PAPOLG: variants seen among roughly 807,000 people sequenced by gnomAD.
The protein encoded by PAPOLG is PAP-gamma.
A neutral mutation model predicts 99.0 loss-of-function variants in PAPOLG; 40 were observed. The observed-to-expected ratio is 0.40, with a 90% CI of 0.31 to 0.53. The LOEUF is 0.53. Among genes scored for constraint, PAPOLG ranks in the 20% least tolerant of loss-of-function variants. The probability of loss-of-function intolerance (pLI) is 0.41; values close to 1 mark genes in which losing one functional copy is unlikely to be tolerated. For missense variants in PAPOLG, 675 were observed against 884.1 expected (o/e 0.76, Z 3.00); for synonymous variants, 310 against 299.3 (o/e 1.04, Z -0.37).
At chr2:60,773,913 A>C (rs148647612) in intron 7 of PAPOLG, among the ~76,000 whole-genome samples, 1 of 152,310 alleles carries the variant, frequency 6.6e-6, no homozygotes, top group Non-Finnish European at 1.5e-5. Context: ...CTGAATAACT[A>C]TAGTTTATCT....
chr2:60,782,512 G>C, intron 11 of PAPOLG, 174 bp from the exon 12 acceptor site: 5 of 824,780 alleles, frequency 6.1e-6, no homozygotes, highest in African/African-American at 1.9e-5. Flanking sequence ...AGCCGAGATA[G>C]ATCCACCACA....
chr2:60,775,961 C>T (rs1671004076), intron 8 of PAPOLG, among the ~76,000 whole-genome samples: 1 of 152,110 alleles, frequency 6.6e-6, no homozygotes. Context: ...GACGGGGTTT[C>T]ACCATGTTTG....
At chr2:60,793,788 G>A in intron 18 of PAPOLG, 73 bp downstream of exon 18, 1 of 1,519,856 alleles carries the variant, frequency 6.6e-7, no homozygotes, top group Admixed American at 2.0e-5. Context: ...GCACACGCCT[G>A]TAGTCCTAGC....
rs551895478 is a variant in PAPOLG at position 60,798,959 on chromosome 2, T to G, written c.*1799T>G. ...ATAAGAATAAAATCACATAACCAAG[T>G]TGAAGCTTCCTTGGCAAAGCTGTTG... is the stretch of plus-strand genomic sequence containing the variant. On this transcript the variant is annotated 3_prime_UTR_variant, in exon 22 of 22. Transcript: ENST00000238714. 2.0e-5 allele frequency: 3 copies of G among 152,480 alleles called. No homozygotes were observed. The highest frequency in any genetic ancestry group is 7.2e-5 in the African/African-American group (3 of 41,586). 9.4% of individuals were successfully genotyped at this position (152,480 alleles called of 1,614,324 possible).
At chr2:60,768,729 A>G in intron 4 of PAPOLG, 52 bp from the exon 5 acceptor site, 1 of 1,435,054 alleles carries the variant, frequency 7.0e-7, no homozygotes, top group African/African-American at 1.5e-5. Flanking sequence ...GTACTTTAAC[A>G]AAGAATATAA....
chr2:60,787,217 A>G (rs1351978874), intron 14 of PAPOLG, 151 bp downstream of exon 14: 2 of 794,410 alleles, frequency 2.5e-6, no homozygotes, highest in East Asian at 5.5e-5. Flanking sequence ...GGCATTAAAA[A>G]TAAGTACATA....
chr2:60,772,604 C>G (rs920367674), intron 7 of PAPOLG, among the ~76,000 whole-genome samples: 2 of 151,916 alleles, frequency 1.3e-5, no homozygotes, highest in African/African-American at 4.8e-5. Context: ...AAAAACTAGC[C>G]AAGTGTGGTG....
Position 60,757,678 on chromosome 2 carries a change from G to T in PAPOLG, c.17+1183G>T, listed in dbSNP as rs190607092. On this transcript the variant is annotated intron_variant, in intron 1 of 21. Transcript: ENST00000238714. Reference sequence around the variant, plus strand: ...AACACCCTAATTTAATTCTTTTCCTGTTAGTGACTATTTTATTTCTAAGTT... The same window carrying T: ...AACACCCTAATTTAATTCTTTTCCTTTTAGTGACTATTTTATTTCTAAGTT... Among the ~76,000 whole-genome samples, 14 of 152,228 alleles carry T rather than the reference G, an allele frequency of 9.2e-5. No individual in the cohort carries two copies. The East Asian group carries it at 2.5e-3, about 27-fold the overall frequency.
intron 7 of PAPOLG, among the ~76,000 whole-genome samples, chr2:60,772,644 A>G (rs924924687): frequency 6.6e-6 from 1 of 152,074 alleles, no homozygotes; most frequent in South Asian, 2.1e-4. Flanking sequence ...GCTACTCGGG[A>G]GGCTGAGGCA....
At position 60,797,256 on chromosome 2, in the gene PAPOLG, T is replaced by A; in HGVS notation, c.*96T>A. On this transcript the variant is annotated 3_prime_UTR_variant, in exon 22 of 22. Transcript: ENST00000238714. ...ATAGAAGTGGCTGTCATACGTGAAA[T>A]AAGGTGAAAGTGACAGCCTTCAGTC... 1 of 1,478,792 alleles carries A rather than the reference T, an allele frequency of 6.8e-7. No homozygotes were observed. The highest frequency in any genetic ancestry group is 2.3e-5 in the East Asian group (1 of 42,980). The allele number at this position is 1,478,792 out of a possible 1,614,324, so 91.6% of individuals were successfully genotyped here. A position where few individuals can be genotyped will look rare whatever the true frequency, so the allele number is the denominator to read the frequency against.
intron 8 of PAPOLG, among the ~76,000 whole-genome samples, chr2:60,777,395 GT>G (rs1671052316): frequency 6.6e-6 from 1 of 152,192 alleles, no homozygotes; most frequent in Non-Finnish European, 1.5e-5. Flanking sequence ...GGCAGAGGTT[GT>G]GGTGAGCTGA....
intron 8 of PAPOLG, among the ~76,000 whole-genome samples, chr2:60,776,238 CTT>C: frequency 6.7e-6 from 1 of 149,240 alleles, no homozygotes; most frequent in South Asian, 2.1e-4. Context: ...AGAAAGGAAT[CTT>C]TTTTTTTTCT....
chr2:60,790,837 C>G (rs554336288), intron 15 of PAPOLG, among the ~76,000 whole-genome samples: 30 of 152,240 alleles, frequency 2.0e-4, no homozygotes, highest in Admixed American at 5.9e-4. Context: ...ACCTGTAATC[C>G]CAGCACTTTG....
rs183097286 is a variant in PAPOLG, at chr2:60,781,568, C to T, written c.907-317C>T. On this transcript the variant is annotated intron_variant, in intron 10 of 21. Transcript: ENST00000238714. ...GTGGGTGGTGAAAAAGGATTGAGAA[C>T]CATTAAACCAGATAATGCTTTTTGT... Among the ~76,000 whole-genome samples the T allele has an allele frequency of 2.0e-5, 3 of 152,220 alleles. No homozygotes were observed. The East Asian group carries it at 5.8e-4, about 29-fold the overall frequency.
At chr2:60,793,314 T>G (rs1442910911) in intron 17 of PAPOLG, among the ~76,000 whole-genome samples, 1 of 151,804 alleles carries the variant, frequency 6.6e-6, no homozygotes, top group Non-Finnish European at 1.5e-5. Context: ...TTCAGCACTT[T>G]GGGAGGCTGA....
At chr2:60,794,328 A>G (rs751941554) in intron 19 of PAPOLG, 137 bp downstream of exon 19, 18 of 889,126 alleles carry the variant, frequency 2.0e-5, no homozygotes, top group African/African-American at 3.4e-5. Flanking sequence ...TAAAGAAACA[A>G]TATTAATTGC....
At chr2:60,760,958 A>G (rs989796822) in intron 2 of PAPOLG, among the ~76,000 whole-genome samples, 3 of 152,232 alleles carry the variant, frequency 2.0e-5, no homozygotes, top group Admixed American at 1.3e-4. Flanking sequence ...GCAAGCCATT[A>G]TAATAGCCCT....
Position 60,770,395 on chromosome 2 carries a change from G to A in PAPOLG, c.439-63G>A, listed in dbSNP as rs1303255012. 11 of 1,345,606 alleles carry A rather than the reference G, an allele frequency of 8.2e-6. No homozygotes were observed. The Admixed American group carries it at 1.1e-4, about 13-fold the overall frequency. 83.4% of individuals were successfully genotyped at this position (1,345,606 alleles called of 1,614,324 possible). On this transcript the variant is annotated intron_variant, in intron 5 of 21. Coordinates refer to ENST00000238714, the MANE Select transcript of PAPOLG (RefSeq NM_022894.4). ...GGGAGTAAAGATATTCACATTATTG[G>A]TAGTTAGGAAGGATAAAGAAGGGAT...
intron 15 of PAPOLG, among the ~76,000 whole-genome samples, chr2:60,789,781 A>G (rs745419891): frequency 6.6e-6 from 1 of 152,196 alleles, no homozygotes; most frequent in Non-Finnish European, 1.5e-5. Context: ...AAGAGCCCTC[A>G]TATTTATCAT....
Sources: gnomAD v4.1 joint callset for allele counts (sites outside exome capture counted in the v4.1 genomes callset) on GRCh38, gnomAD v4.1.1 for gene constraint, MANE v1.5 for transcripts, NCBI Gene and HGNC (gene_info 2026-07-23, HGNC 2026-07-21) for gene names.